ZSCAN4: variants seen among roughly 807,000 people sequenced by gnomAD.
ZSCAN4 encodes zinc finger and SCAN domain-containing protein 4.
In ZSCAN4, 18 loss-of-function variants were observed where a neutral mutation model predicts 18.3. That is an observed-to-expected ratio of 0.98 (90% CI 0.68 to 1.46). The LOEUF (loss-of-function observed/expected upper bound fraction) is 1.46. ZSCAN4 is among the 40% of genes most tolerant of loss of function. ZSCAN4 has a pLI of 0.00. For synonymous variants in ZSCAN4, 193 were observed against 180.3 expected (o/e 1.07, Z -0.57); for missense variants, 498 against 511.4 (o/e 0.97, Z 0.25).
At chr19:57,668,682 A>G (rs998171783), upstream of ZSCAN4, among the ~76,000 whole-genome samples, 1 of 152,204 alleles carries the variant, frequency 6.6e-6, no homozygotes, top group Non-Finnish European at 1.5e-5. Context: ...CCACCACACT[A>G]GGTGACCAGG....
chr19:57,675,158 T>C (rs1303441218), intron 2 of ZSCAN4, among the ~76,000 whole-genome samples: 1 of 144,978 alleles, frequency 6.9e-6, no homozygotes. Flanking sequence ...TTTTTTTTTT[T>C]TTTTTTTGAG....
At chr19:57,655,453 T>C in the ZSCAN4 span, among the ~76,000 whole-genome samples, 6 of 152,300 alleles carry the variant, frequency 3.9e-5, no homozygotes, top group Middle Eastern at 3.4e-3. Context: ...CCACAAGCCA[T>C]TGTATATCTC....
chr19:57,663,944 T>C (rs959446012), upstream of ZSCAN4, among the ~76,000 whole-genome samples: 1 of 151,940 alleles, frequency 6.6e-6, no homozygotes, highest in Non-Finnish European at 1.5e-5. Flanking sequence ...CTGACCAACA[T>C]GGTGAAACCC....
At chr19:57,666,358 G>A (rs1274911319), upstream of ZSCAN4, among the ~76,000 whole-genome samples, 1 of 152,168 alleles carries the variant, frequency 6.6e-6, no homozygotes. Flanking sequence ...CTTTACGACT[G>A]TTGTAGCTTT....
upstream of ZSCAN4, among the ~76,000 whole-genome samples, chr19:57,666,231 C>A (rs961762917): frequency 6.6e-6 from 1 of 152,164 alleles, no homozygotes; most frequent in Non-Finnish European, 1.5e-5. Flanking sequence ...AGCTTCGATG[C>A]GCCCTGGAGA....
the ZSCAN4 span, among the ~76,000 whole-genome samples, chr19:57,652,756 C>G: frequency 6.6e-6 from 1 of 152,204 alleles, no homozygotes; most frequent in Admixed American, 6.5e-5. Flanking sequence ...GGGCTGAAGG[C>G]ATAGTCTGAG....
chr19:57,655,158 C>T, the ZSCAN4 span, among the ~76,000 whole-genome samples: 1 of 152,286 alleles, frequency 6.6e-6, no homozygotes, highest in East Asian at 1.9e-4. Context: ...GGATATGCCC[C>T]TTTCTCATAC....
upstream of ZSCAN4, among the ~76,000 whole-genome samples, chr19:57,667,285 C>T (rs1290680652): frequency 3.9e-5 from 6 of 152,168 alleles, no homozygotes; most frequent in Admixed American, 6.5e-5. Context: ...GCCCTTCACT[C>T]CTCCATTAGC....
At chr19:57,670,408 A>C (rs984140052) in exon 2 of ZSCAN4, 1 of 152,206 alleles carries the variant, frequency 6.6e-6, no homozygotes, top group Non-Finnish European at 1.5e-5. Flanking sequence ...TAATTCAATC[A>C]ACAGACAAGT....
chr19:57,658,780 A>G, the ZSCAN4 span, among the ~76,000 whole-genome samples: 1 of 149,420 alleles, frequency 6.7e-6, no homozygotes, highest in Non-Finnish European at 1.5e-5. Flanking sequence ...GTTGCAGTGT[A>G]CCAATATCAT....
intron 2 of ZSCAN4, among the ~76,000 whole-genome samples, chr19:57,673,210 A>G (rs1021596505): frequency 2.0e-5 from 3 of 152,104 alleles, no homozygotes; most frequent in Admixed American, 2.0e-4. Context: ...CACCACAGCC[A>G]GCTAATTTTT....
rs1984197219 is a variant in ZSCAN4, at chr19:57,676,547, T to C, written c.396+6T>C. On this transcript the variant is annotated splice_donor_region_variant and intron_variant, in intron 3 of 4. Transcript: ENST00000318203. Reference sequence around the variant, plus strand: ...GCATAAATCCACCTGCCTTAGTGAGTACAGGGTTCTAACTTCTGGGATGAG... The same window carrying C: ...GCATAAATCCACCTGCCTTAGTGAGCACAGGGTTCTAACTTCTGGGATGAG... 6.2e-7 allele frequency: 1 copy of C among 1,600,564 alleles called. No individual in the cohort carries two copies. Among genetic ancestry groups the C allele is most frequent in the Non-Finnish European group, 8.5e-7 (1 of 1,173,834 alleles).
exon 1 of ZSCAN4, chr19:57,669,156 A>T (rs1229612749): frequency 7.2e-6 from 1 of 138,328 alleles, no homozygotes; most frequent in Non-Finnish European, 1.5e-5. Flanking sequence ...TGCCTCCTGG[A>T]TTCAAACAAT....
intron 2 of ZSCAN4, among the ~76,000 whole-genome samples, chr19:57,675,312 T>C (rs1984150602): frequency 6.6e-6 from 1 of 152,024 alleles, no homozygotes; most frequent in African/African-American, 2.4e-5. Flanking sequence ...CATGCCTGGC[T>C]GATTTTTGTA....
At chr19:57,655,419 C>T in the ZSCAN4 span, among the ~76,000 whole-genome samples, 2 of 152,304 alleles carry the variant, frequency 1.3e-5, no homozygotes, top group East Asian at 3.9e-4. Flanking sequence ...TCTTGGGCTA[C>T]TCTGTCAAAC....
intron 2 of ZSCAN4, among the ~76,000 whole-genome samples, chr19:57,673,152 G>A (rs1001832534): frequency 2.0e-5 from 3 of 146,752 alleles, no homozygotes; most frequent in Admixed American, 1.4e-4. Context: ...GGGTTCAAGC[G>A]ATTCTCCTGC....
chr19:57,676,216 C>T lies in ZSCAN4; in HGVS notation c.71C>T (p.Ala24Val), dbSNP rs749904831. The T allele has an allele frequency of 1.2e-5, 20 of 1,613,864 alleles. No homozygotes were observed. The highest frequency in any genetic ancestry group is 4.5e-5 in the East Asian group (2 of 44,880). Residue 24 changes from alanine (A) to valine (V), a missense_variant, in exon 3 of 5, where the codon GCG (alanine) becomes GTG (valine). Coordinates refer to ENST00000318203, the Ensembl canonical transcript of ZSCAN4. ...AATAATCTTGGATCAGAAAATTCAG[C>T]GTTTCAACAAAGCCAAGGACCTGCT...
chr19:57,673,464 C>G (rs770284496), intron 2 of ZSCAN4, among the ~76,000 whole-genome samples: 9 of 151,964 alleles, frequency 5.9e-5, no homozygotes, highest in Non-Finnish European at 8.8e-5. Flanking sequence ...GACCAAGTCT[C>G]GAAAAGAAAA....
upstream of ZSCAN4, among the ~76,000 whole-genome samples, chr19:57,666,513 A>C (rs1418456221): frequency 1.3e-5 from 2 of 152,020 alleles, no homozygotes; most frequent in African/African-American, 4.8e-5. Flanking sequence ...AGTTGTTATT[A>C]AAGTAGGTGC....
Sources: gnomAD v4.1 joint callset for allele counts (sites outside exome capture counted in the v4.1 genomes callset) on GRCh38, gnomAD v4.1.1 for gene constraint, MANE v1.5 for transcripts, NCBI Gene and HGNC (gene_info 2026-07-23, HGNC 2026-07-21) for gene names.